Variants in EPB41L4A observed in about 807,000 individuals in gnomAD.
EPB41L4A encodes band 4.1-like protein 4A.
A neutral mutation model predicts 108.6 loss-of-function variants in EPB41L4A; 100 were observed. That is an observed-to-expected ratio of 0.92 (90% confidence interval 0.78 to 1.09). The LOEUF is 1.09. Ranked by LOEUF, EPB41L4A falls within the 50% of genes least tolerant of loss-of-function variation. The probability of loss-of-function intolerance (pLI) is 0.00; values close to 1 mark genes in which losing one functional copy is unlikely to be tolerated. For synonymous variants in EPB41L4A, 319 were observed against 289.0 expected (o/e 1.10, Z -1.05); for missense variants, 1,030 against 842.7 (o/e 1.22, Z -2.75).
intron 3 of EPB41L4A, among the ~76,000 whole-genome samples, chr5:112,277,836 A>G (rs1003717614): frequency 1.3e-5 from 2 of 152,262 alleles, no homozygotes; most frequent in African/African-American, 4.8e-5. Flanking sequence ...ACTACAAAAA[A>G]GTAAGGTGCT....
intron 6 of EPB41L4A, chr5:112,264,125 C>G (rs1428599891): frequency 6.6e-6 from 1 of 152,022 alleles, no homozygotes; most frequent in East Asian, 1.9e-4. Context: ...GTTTTTTTTC[C>G]TTAACTATAA....
intron 14 of EPB41L4A, 154 bp from the exon 15 acceptor site, chr5:112,204,642 A>C: frequency 2.0e-6 from 1 of 497,576 alleles, no homozygotes; most frequent in Non-Finnish European, 3.6e-6. Flanking sequence ...ATTTATTAAA[A>C]GAAAAGAGGT....
intron 1 of EPB41L4A, among the ~76,000 whole-genome samples, chr5:112,384,657 A>T (rs1760383381): frequency 6.6e-6 from 1 of 152,050 alleles, no homozygotes; most frequent in Non-Finnish European, 1.5e-5. Context: ...AGTACCTGTC[A>T]AAATCATGCT....
At chr5:112,313,258 T>C (rs77524942) in intron 1 of EPB41L4A, among the ~76,000 whole-genome samples, 2,077 of 152,282 alleles carry the variant, frequency 0.014, 44 homozygotes, top group African/African-American at 0.047. Context: ...AAAAACTTTA[T>C]TGAGAAAGTG....
chr5:112,283,653 AT>A (rs1308185198), intron 2 of EPB41L4A, among the ~76,000 whole-genome samples: 2 of 152,232 alleles, frequency 1.3e-5, no homozygotes, highest in Non-Finnish European at 2.9e-5. Flanking sequence ...GATATCATTC[AT>A]TCATTCATCA....
At chr5:112,225,416 A>G (rs981640508) in intron 12 of EPB41L4A, among the ~76,000 whole-genome samples, 1 of 152,168 alleles carries the variant, frequency 6.6e-6, no homozygotes, top group African/African-American at 2.4e-5. Flanking sequence ...TGTAAATCAC[A>G]ATGATCTAGG....
At chr5:112,404,402 A>G (rs2112770792) in intron 1 of EPB41L4A, among the ~76,000 whole-genome samples, 1 of 152,352 alleles carries the variant, frequency 6.6e-6, no homozygotes, top group Middle Eastern at 3.4e-3. Context: ...TGGAGCCACA[A>G]GATAATGATT....
At chr5:112,327,854 GT>G (rs1004934837) in intron 1 of EPB41L4A, among the ~76,000 whole-genome samples, 2 of 152,194 alleles carry the variant, frequency 1.3e-5, no homozygotes, top group African/African-American at 4.8e-5. Context: ...TAGCAATGGG[GT>G]TTGGTTGTCC....
At chr5:112,414,410 G>A (rs943431508) in intron 1 of EPB41L4A, among the ~76,000 whole-genome samples, 1 of 152,188 alleles carries the variant, frequency 6.6e-6, no homozygotes, top group African/African-American at 2.4e-5. Flanking sequence ...ATGCCCATCA[G>A]GGAAGATCTG....
chr5:112,162,607 C>T (rs1037162631), downstream of EPB41L4A: 4 of 152,138 alleles, frequency 2.6e-5, no homozygotes, highest in East Asian at 1.9e-4. Context: ...TTGCAGGAAA[C>T]GACAAATAAT....
chr5:112,237,711 T>A (rs1241687557), intron 11 of EPB41L4A, among the ~76,000 whole-genome samples: 2 of 152,212 alleles, frequency 1.3e-5, no homozygotes, highest in African/African-American at 4.8e-5. Flanking sequence ...TCTGGTTGCT[T>A]GCCCTCTTTT....
At chr5:112,371,716 C>T (rs1266720100) in intron 1 of EPB41L4A, among the ~76,000 whole-genome samples, 1 of 152,034 alleles carries the variant, frequency 6.6e-6, no homozygotes, top group Non-Finnish European at 1.5e-5. Context: ...AGAAATTGCT[C>T]TCATTGTTTA....
chr5:112,245,728 A>G (rs1276423981), intron 9 of EPB41L4A, among the ~76,000 whole-genome samples: 2 of 152,214 alleles, frequency 1.3e-5, no homozygotes, highest in Non-Finnish European at 2.9e-5. Flanking sequence ...AGAGCCAGAG[A>G]GAGGGCACAT....
At chr5:112,179,056 G>C (rs1761017266) in intron 18 of EPB41L4A, among the ~76,000 whole-genome samples, 1 of 151,858 alleles carries the variant, frequency 6.6e-6, no homozygotes, top group Non-Finnish European at 1.5e-5. Context: ...GATGTTAAAA[G>C]CACAGGGAGA....
intron 2 of EPB41L4A, among the ~76,000 whole-genome samples, chr5:112,289,721 G>A (rs973015442): frequency 3.3e-5 from 5 of 152,190 alleles, no homozygotes; most frequent in Admixed American, 1.3e-4. Flanking sequence ...ACACATGACT[G>A]AGACTTCAGA....
At chr5:112,242,545 T>A (rs10037824) in intron 9 of EPB41L4A, among the ~76,000 whole-genome samples, 47,377 of 152,126 alleles carry the variant, frequency 0.31, 8,019 homozygotes, top group Non-Finnish European at 0.38. Context: ...GTAGAAATCA[T>A]CTTCTTTCAA....
chr5:112,293,090 A>T (rs1447353385), intron 2 of EPB41L4A, among the ~76,000 whole-genome samples: 1 of 152,186 alleles, frequency 6.6e-6, no homozygotes, highest in Non-Finnish European at 1.5e-5. Flanking sequence ...AAAAATATAA[A>T]TGTATATGGA....
intron 1 of EPB41L4A, among the ~76,000 whole-genome samples, chr5:112,388,349 G>GATC (rs1352599102): frequency 6.6e-6 from 1 of 152,190 alleles, no homozygotes; most frequent in African/African-American, 2.4e-5. Flanking sequence ...TCTGGAAACA[G>GATC]ATCGGCAGAC....
At chr5:112,301,728 A>G (rs4958035) in intron 2 of EPB41L4A, among the ~76,000 whole-genome samples, 72,179 of 151,958 alleles carry the variant, frequency 0.47, 19,233 homozygotes, top group African/African-American at 0.72. Context: ...GTCAATTTCC[A>G]TAGAAAATAT....
Sources: gnomAD v4.1 joint callset for allele counts (sites outside exome capture counted in the v4.1 genomes callset) on GRCh38, gnomAD v4.1.1 for gene constraint, MANE v1.5 for transcripts, NCBI Gene and HGNC (gene_info 2026-07-23, HGNC 2026-07-21) for gene names.